Variants in HS6ST3 observed in about 807,000 individuals in gnomAD.
HS6ST3 encodes heparan sulfate 6-O-sulfotransferase 3, also known as heparan-sulfate 6-O-sulfotransferase 3.
In HS6ST3, 12 loss-of-function variants were observed where a neutral mutation model predicts 36.7. The observed-to-expected ratio is 0.33, with a 90% CI of 0.21 to 0.53. The LOEUF is 0.53. Among genes scored for constraint, HS6ST3 ranks in the 20% least tolerant of loss-of-function variants. The probability of loss-of-function intolerance (pLI) is 0.95; values close to 1 mark genes in which losing one functional copy is unlikely to be tolerated. For missense variants in HS6ST3, 584 were observed against 640.9 expected (o/e 0.91, Z 0.96); for synonymous variants, 240 against 257.5 (o/e 0.93, Z 0.65).
intron 1 of HS6ST3, among the ~76,000 whole-genome samples, chr13:96,456,360 A>C (rs781377381): frequency 3.4e-4 from 52 of 152,272 alleles, no homozygotes; most frequent in Admixed American, 7.8e-4. Context: ...ATTTATAATC[A>C]ATTTTCAGAT....
intron 1 of HS6ST3, among the ~76,000 whole-genome samples, chr13:96,328,748 A>G (rs1194724834): frequency 2.0e-5 from 3 of 152,216 alleles, no homozygotes; most frequent in Admixed American, 6.5e-5. Context: ...ATAGTTTCAG[A>G]CGGAATGGTA....
At chr13:96,301,746 A>G (rs1221033053) in intron 1 of HS6ST3, among the ~76,000 whole-genome samples, 1 of 151,580 alleles carries the variant, frequency 6.6e-6, no homozygotes, top group African/African-American at 2.4e-5. Flanking sequence ...ACAACAAACA[A>G]ACAAACAAAA....
chr13:96,510,005 A>G (rs1225436655), intron 1 of HS6ST3, among the ~76,000 whole-genome samples: 2 of 152,066 alleles, frequency 1.3e-5, no homozygotes, highest in African/African-American at 2.4e-5. Context: ...TGTTTGTGTC[A>G]TCTATGATTT....
At chr13:96,429,783 G>A (rs555104062) in intron 1 of HS6ST3, among the ~76,000 whole-genome samples, 191 of 152,318 alleles carry the variant, frequency 1.3e-3, no homozygotes, top group Non-Finnish European at 2.1e-3. Context: ...GAAAATTATA[G>A]GGAGTAGGAA....
chr13:96,388,251 A>T (rs761101663), intron 1 of HS6ST3, among the ~76,000 whole-genome samples: 4 of 152,208 alleles, frequency 2.6e-5, no homozygotes, highest in Non-Finnish European at 5.9e-5. Flanking sequence ...CATTTGAGTA[A>T]TGAGTTGGAT....
At chr13:96,335,762 G>A (rs917986354) in intron 1 of HS6ST3, among the ~76,000 whole-genome samples, 1 of 152,082 alleles carries the variant, frequency 6.6e-6, no homozygotes, top group Admixed American at 6.5e-5. Flanking sequence ...CAGGGTCCTC[G>A]TTGATAGGAT....
At chr13:96,535,967 G>T (rs562064471) in intron 1 of HS6ST3, among the ~76,000 whole-genome samples, 7 of 152,308 alleles carry the variant, frequency 4.6e-5, no homozygotes, top group Admixed American at 2.0e-4. Context: ...CAGCGTGAGA[G>T]CACTGTGCAC....
rs534134361 is a variant in HS6ST3 at position 96,582,187 on chromosome 13, A to G, written c.708-250303A>G. The stretch of plus-strand genomic sequence containing the variant: ...AGCCAAATTAAAGATGTCTGCTGTC[A>G]TGATACAGCCTAAGAAGGACAGGTT... On this transcript the variant is annotated intron_variant, in intron 1 of 1. Transcript: ENST00000376705. 2.2e-4 allele frequency among the ~76,000 whole-genome samples: 34 copies of G among 152,346 alleles called. 1 individual carries two copies. The South Asian group carries it at 7.1e-3, about 32-fold the overall frequency.
intron 1 of HS6ST3, among the ~76,000 whole-genome samples, chr13:96,677,779 A>G (rs1467357942): frequency 6.6e-6 from 1 of 152,110 alleles, no homozygotes; most frequent in African/African-American, 2.4e-5. Context: ...CTCCTCTAGA[A>G]TTTGCATCAT....
intron 1 of HS6ST3, among the ~76,000 whole-genome samples, chr13:96,212,064 C>A (rs1018169789): frequency 6.6e-6 from 1 of 152,160 alleles, no homozygotes; most frequent in African/African-American, 2.4e-5. Flanking sequence ...TCAAAAGGAG[C>A]TTTTGTCTGA....
At chr13:96,677,829 A>T (rs989363873) in intron 1 of HS6ST3, among the ~76,000 whole-genome samples, 1 of 152,162 alleles carries the variant, frequency 6.6e-6, no homozygotes, top group Admixed American at 6.6e-5. Flanking sequence ...TTAAGCGAAT[A>T]TTGTACTTGG....
chr13:96,189,940 G>A (rs1594709827), intron 1 of HS6ST3, among the ~76,000 whole-genome samples: 2 of 152,092 alleles, frequency 1.3e-5, no homozygotes, highest in South Asian at 2.1e-4. Context: ...ATTTGTGAGC[G>A]GTAGTGCAGC....
chr13:96,143,101 A>C (rs1280136363), intron 1 of HS6ST3, among the ~76,000 whole-genome samples: 1 of 152,144 alleles, frequency 6.6e-6, no homozygotes, highest in Non-Finnish European at 1.5e-5. Flanking sequence ...TAATGTAATC[A>C]GCAAGTGTTT....
intron 1 of HS6ST3, among the ~76,000 whole-genome samples, chr13:96,165,652 A>C (rs77199923): frequency 1.3e-5 from 2 of 152,264 alleles, no homozygotes; most frequent in East Asian, 3.9e-4. Flanking sequence ...TGGGTGGGTC[A>C]TGTCTGGGAA....
intron 1 of HS6ST3, among the ~76,000 whole-genome samples, chr13:96,442,778 TAAA>T (rs57528030): frequency 6.4e-5 from 8 of 124,238 alleles, no homozygotes; most frequent in Non-Finnish European, 6.9e-5. Context: ...CAATTGGAAG[TAAA>T]AAAAAAAAAA....
chr13:96,122,875 C>T (rs950850251), intron 1 of HS6ST3, among the ~76,000 whole-genome samples: 1 of 152,174 alleles, frequency 6.6e-6, no homozygotes, highest in Non-Finnish European at 1.5e-5. Context: ...CACCTACTAA[C>T]AGCTTTAGTG....
At chr13:96,217,629 A>T (rs558999841) in intron 1 of HS6ST3, among the ~76,000 whole-genome samples, 1 of 152,198 alleles carries the variant, frequency 6.6e-6, no homozygotes, top group Non-Finnish European at 1.5e-5. Flanking sequence ...AGTCACAGAG[A>T]CGTTTAATAA....
In HS6ST3 at chr13:96,264,640, G is replaced by A. The variant is rs867790044; in HGVS notation, c.707+173071G>A. The stretch of plus-strand genomic sequence containing the variant: ...TATCTAATCAACTCTGAGCATAAAC[G>A]TATGTAACTTCTATTCAAGCCCTTT... On this transcript the variant is annotated intron_variant, in intron 1 of 1. Coordinates refer to ENST00000376705, the MANE Select transcript of HS6ST3 (RefSeq NM_153456.4). 6.6e-5 allele frequency among the ~76,000 whole-genome samples: 10 copies of A among 152,156 alleles called. 1 individual carries two copies. Among genetic ancestry groups the A allele is most frequent in the Admixed American group, 6.5e-5 (1 of 15,272 alleles).
intron 1 of HS6ST3, among the ~76,000 whole-genome samples, chr13:96,198,067 C>G (rs998738981): frequency 2.0e-5 from 3 of 152,196 alleles, no homozygotes; most frequent in Non-Finnish European, 4.4e-5. Context: ...AACCTCAATT[C>G]TTGACTTCTG....
Sources: allele counts gnomAD v4.1 joint callset (sites outside exome capture counted in the v4.1 genomes callset), GRCh38; gene constraint gnomAD v4.1.1; transcripts MANE v1.5; gene names NCBI Gene and HGNC (gene_info 2026-07-23, HGNC 2026-07-21).